TMEM135: variants seen among roughly 807,000 people sequenced by gnomAD.
The protein encoded by TMEM135 is transmembrane protein 135.
In TMEM135, 30 loss-of-function variants were observed where a neutral mutation model predicts 60.3. The observed-to-expected ratio is 0.50, with a 90% CI of 0.37 to 0.68. TMEM135 has a LOEUF of 0.68. Ranked by LOEUF, TMEM135 falls within the 30% of genes least tolerant of loss-of-function variation. The probability of loss-of-function intolerance (pLI) is 0.00; values close to 1 mark genes in which losing one functional copy is unlikely to be tolerated. For synonymous variants in TMEM135, 190 were observed against 186.7 expected (o/e 1.02, Z -0.14); for missense variants, 468 against 548.8 (o/e 0.85, Z 1.47).
At chr11:87,238,019 T>C (rs569494) in intron 6 of TMEM135, among the ~76,000 whole-genome samples, 100,143 of 151,756 alleles carry the variant, frequency 0.66, 33,613 homozygotes, top group Non-Finnish European at 0.71. Flanking sequence ...GGCTGAATAA[T>C]ACTCCATTGT....
At chr11:87,221,528 CTGAT>C (rs1215948868) in intron 5 of TMEM135, among the ~76,000 whole-genome samples, 1 of 152,168 alleles carries the variant, frequency 6.6e-6, no homozygotes, top group Non-Finnish European at 1.5e-5. Flanking sequence ...TAGACAGACA[CTGAT>C]TGCCTGTTGT....
At position 87,039,459 on chromosome 11, in the gene TMEM135, G is replaced by A. The variant is rs1372786435; in HGVS notation, c.141+1273G>A. 3.9e-5 allele frequency among the ~76,000 whole-genome samples: 6 copies of A among 152,172 alleles called. No individual in the cohort carries two copies. The East Asian group carries it at 1.2e-3, about 29-fold the overall frequency. ...TTGAATAATAAAGATCTAGAGTAGA[G>A]GCCAGTAATTGTTATTGGAGCTGGA... On this transcript the variant is annotated intron_variant, in intron 1 of 14. Coordinates refer to ENST00000305494, the MANE Select transcript of TMEM135 (RefSeq NM_022918.4).
chr11:87,178,704 G>T (rs1283073245), intron 5 of TMEM135, among the ~76,000 whole-genome samples: 1 of 152,094 alleles, frequency 6.6e-6, no homozygotes, highest in Non-Finnish European at 1.5e-5. Flanking sequence ...GGGATTATAG[G>T]TGTGAGCCAC....
At chr11:87,307,451 A>G (rs888348947) in intron 9 of TMEM135, among the ~76,000 whole-genome samples, 22 of 152,072 alleles carry the variant, frequency 1.4e-4, no homozygotes, top group Non-Finnish European at 2.5e-4. Context: ...ATTCCTTCCA[A>G]CTGAACATGA....
At chr11:87,136,380 T>C (rs1565456904) in intron 4 of TMEM135, among the ~76,000 whole-genome samples, 1 of 152,080 alleles carries the variant, frequency 6.6e-6, no homozygotes, top group Non-Finnish European at 1.5e-5. Context: ...ATTCTTCTTA[T>C]ATATTGTTGG....
chr11:87,223,501 A>G (rs1376338321), intron 5 of TMEM135, among the ~76,000 whole-genome samples: 1 of 152,108 alleles, frequency 6.6e-6, no homozygotes, highest in African/African-American at 2.4e-5. Context: ...CATCTGATTC[A>G]GAATTTAAGT....
At chr11:87,159,660 G>A (rs1383582662) in intron 5 of TMEM135, among the ~76,000 whole-genome samples, 1 of 151,130 alleles carries the variant, frequency 6.6e-6, no homozygotes, top group African/African-American at 2.4e-5. Context: ...TATGGAAATG[G>A]GTGCTATGAT....
Position 87,323,518 on chromosome 11 carries a change from C to G in TMEM135, c.*2185C>G. The G allele has an allele frequency of 2.2e-6, 1 of 453,390 alleles. No homozygotes were observed. Among genetic ancestry groups the G allele is most frequent in the Non-Finnish European group, 4.4e-6 (1 of 226,612 alleles). The allele number at this position is 453,390 out of a possible 1,614,324, so 28.1% of individuals were successfully genotyped here. The stretch of plus-strand genomic sequence containing the variant: ...ATTATAAATAAAGTAAAATAGATCT[C>G]TGCATTCCAAAATATGTTTTTTAGT... On this transcript the variant is annotated 3_prime_UTR_variant, in exon 15 of 15. Transcript: ENST00000305494.
intron 3 of TMEM135, among the ~76,000 whole-genome samples, chr11:87,074,438 T>G (rs1360712313): frequency 6.6e-6 from 1 of 152,166 alleles, no homozygotes; most frequent in Non-Finnish European, 1.5e-5. Context: ...ACTGTGTATA[T>G]TGGTTTTGAA....
At chr11:87,088,852 A>G (rs757065816) in intron 3 of TMEM135, among the ~76,000 whole-genome samples, 5 of 152,210 alleles carry the variant, frequency 3.3e-5, no homozygotes, top group African/African-American at 4.8e-5. Flanking sequence ...ACAATTGTCA[A>G]AGAGATTTGT....
chr11:87,046,153 A>G (rs1949793779), intron 1 of TMEM135, among the ~76,000 whole-genome samples: 1 of 152,166 alleles, frequency 6.6e-6, no homozygotes, highest in African/African-American at 2.4e-5. Flanking sequence ...TGCCTGTAAT[A>G]CCAGCATTTT....
intron 5 of TMEM135, among the ~76,000 whole-genome samples, chr11:87,195,040 G>A (rs1164755453): frequency 1.3e-5 from 2 of 152,122 alleles, no homozygotes; most frequent in Non-Finnish European, 2.9e-5. Context: ...TATTTAAAGT[G>A]TGAAACATAC....
intron 6 of TMEM135, among the ~76,000 whole-genome samples, chr11:87,248,015 CTT>C (rs745911039): frequency 0.66 from 97,676 of 148,004 alleles, 32,792 homozygotes; most frequent in Non-Finnish European, 0.71. Flanking sequence ...GCTTGATAGC[CTT>C]TTTAAAAAAA....
At chr11:87,242,691 A>G (rs1941166867) in intron 6 of TMEM135, among the ~76,000 whole-genome samples, 1 of 141,906 alleles carries the variant, frequency 7.0e-6, no homozygotes, top group Admixed American at 7.1e-5. Flanking sequence ...CCACTTTTTG[A>G]TGGGGTTGTT....
intron 6 of TMEM135, among the ~76,000 whole-genome samples, chr11:87,279,929 T>C (rs1942030099): frequency 6.6e-6 from 1 of 152,236 alleles, no homozygotes; most frequent in African/African-American, 2.4e-5. Flanking sequence ...ACCTTTATTA[T>C]GTGGAGGCAT....
At chr11:87,273,194 G>T (rs1591159344) in intron 6 of TMEM135, among the ~76,000 whole-genome samples, 1 of 152,042 alleles carries the variant, frequency 6.6e-6, no homozygotes, top group Admixed American at 6.5e-5. Context: ...TTCTAAATCT[G>T]GTTTCTTTTT....
intron 3 of TMEM135, among the ~76,000 whole-genome samples, chr11:87,079,570 G>A (rs571709097): frequency 1.8e-4 from 27 of 151,642 alleles, no homozygotes; most frequent in Non-Finnish European, 4.0e-4. Flanking sequence ...CCTGCAAATA[G>A]GGATGGTTTT....
At chr11:87,145,341 T>G (rs1365870250) in intron 4 of TMEM135, among the ~76,000 whole-genome samples, 1 of 152,206 alleles carries the variant, frequency 6.6e-6, no homozygotes, top group Non-Finnish European at 1.5e-5. Flanking sequence ...GATGGACACT[T>G]AGGTTGATTT....
chr11:87,152,515 C>A (rs1324977132), intron 4 of TMEM135, among the ~76,000 whole-genome samples: 2 of 152,256 alleles, frequency 1.3e-5, no homozygotes, highest in Non-Finnish European at 2.9e-5. Flanking sequence ...GCTTGGCTCA[C>A]TGCAACCTCC....
Sources: gnomAD v4.1 joint callset for allele counts (sites outside exome capture counted in the v4.1 genomes callset) on GRCh38, gnomAD v4.1.1 for gene constraint, MANE v1.5 for transcripts, NCBI Gene and HGNC (gene_info 2026-07-23, HGNC 2026-07-21) for gene names.